The following ADAMTS2 variants were observed in gnomAD, a reference collection of about 807,000 sequenced individuals.
The protein encoded by ADAMTS2 is A disintegrin and metalloproteinase with thrombospondin motifs 2.
A neutral mutation model predicts 123.0 loss-of-function variants in ADAMTS2; 50 were observed. That is an observed-to-expected ratio of 0.41 (90% CI 0.32 to 0.51). The LOEUF is 0.51. Among genes scored for constraint, ADAMTS2 ranks in the 20% least tolerant of loss-of-function variants. The probability of loss-of-function intolerance (pLI) is 0.35; values close to 1 mark genes in which losing one functional copy is unlikely to be tolerated. For missense variants in ADAMTS2, 1,494 were observed against 1,705.2 expected, an observed-to-expected ratio of 0.88 and a Z score of 2.18; for synonymous variants, 678 against 695.4, an observed-to-expected ratio of 0.98 and a Z score of 0.39.
Position 179,152,209 on chromosome 5 carries a change from T to C in ADAMTS2, c.1562A>G (p.Asp521Gly). Residue 521 changes from aspartate (D) to glycine (G), a missense_variant, in exon 10 of 22, where the codon GAC (aspartate) becomes GGC (glycine). Asp to Gly is a moderately conservative substitution (Grantham distance 94, BLOSUM62 -1). This residue lies in a region of ADAMTS2 where 953 missense variants were observed against 1,124.7 expected (regional missense o/e 0.85). Coordinates refer to ENST00000251582, the MANE Select transcript of ADAMTS2 (RefSeq NM_014244.5). Reference protein sequence around the residue: ...PCKQLWCSHPDNPYFCKTKKG... With the variant: ...PCKQLWCSHPGNPYFCKTKKG... ...CTTGGTCTTGCAAAAGTAGGGGTTG[T>C]CAGGATGGCTGCACCACAGCTGCTT... 6.2e-7 allele frequency: 1 copy of C among 1,614,062 alleles called. No homozygotes were observed. The highest frequency in any genetic ancestry group is 8.5e-7 in the Non-Finnish European group (1 of 1,179,940).
At chr5:179,157,251 A>G (rs1581158940) in intron 6 of ADAMTS2, among the ~76,000 whole-genome samples, 1 of 152,194 alleles carries the variant, frequency 6.6e-6, no homozygotes, top group East Asian at 1.9e-4. Context: ...CACCCAGCCA[A>G]TTTCACATTT....
intron 3 of ADAMTS2, among the ~76,000 whole-genome samples, chr5:179,258,357 T>C (rs1207574118): frequency 6.6e-6 from 1 of 151,710 alleles, no homozygotes; most frequent in Non-Finnish European, 1.5e-5. Flanking sequence ...GTGCTCCTGC[T>C]GTGGTTTGGG....
At chr5:179,313,290 A>G (rs1289936) in intron 2 of ADAMTS2, among the ~76,000 whole-genome samples, 1,836 of 16,594 alleles carry the variant, frequency 0.11, 255 homozygotes, top group East Asian at 0.26. Context: ...ATTCACACTC[A>G]TGCACACACT....
chr5:179,300,347 AC>A (rs1756481639), intron 2 of ADAMTS2, among the ~76,000 whole-genome samples: 1 of 152,120 alleles, frequency 6.6e-6, no homozygotes, highest in Admixed American at 6.5e-5. Context: ...TCTCCTTAAT[AC>A]TTTTCTACAT....
At chr5:179,163,010 G>A (rs970479380) in intron 5 of ADAMTS2, among the ~76,000 whole-genome samples, 1 of 152,210 alleles carries the variant, frequency 6.6e-6, no homozygotes, top group East Asian at 1.9e-4. Flanking sequence ...CTTTGAGGAG[G>A]AGTCAAGAGT....
intron 3 of ADAMTS2, among the ~76,000 whole-genome samples, chr5:179,231,890 G>C (rs898179460): frequency 6.7e-6 from 1 of 149,776 alleles, no homozygotes; most frequent in African/African-American, 2.5e-5. Context: ...ACTCCAGCTG[G>C]GGCCACAGAG....
rs536269269 is a variant in ADAMTS2 at position 179,130,419 on chromosome 5, G to A, written c.2291-321C>T. Among the ~76,000 whole-genome samples, 4 of 152,222 alleles carry A rather than the reference G, an allele frequency of 2.6e-5. No homozygotes were observed. Among genetic ancestry groups the A allele is most frequent in the African/African-American group, 4.8e-5 (2 of 41,466 alleles). ...ACCCTATTGGGAGCACTCAGTGGGC[G>A]CTTAGAGGCCACCCGGGGCAGGATG... On this transcript the variant is annotated intron_variant, in intron 15 of 21. Transcript: ENST00000251582. This position sits in a 1 kb window ranked among gnomAD's most constrained non-coding sequence, Gnocchi z 4.3.
intron 4 of ADAMTS2, among the ~76,000 whole-genome samples, chr5:179,190,819 C>A (rs564901243): frequency 1.3e-5 from 2 of 152,262 alleles, no homozygotes; most frequent in African/African-American, 2.4e-5. Flanking sequence ...ACCTGGGCTT[C>A]GCCCTTACAC....
chr5:179,122,865 C>A, intron 19 of ADAMTS2, 92 bp from the exon 20 acceptor site: 1 of 1,528,010 alleles, frequency 6.5e-7, no homozygotes, highest in Non-Finnish European at 8.8e-7. Flanking sequence ...AGGCACATGA[C>A]CCATGCGCTC....
intron 2 of ADAMTS2, among the ~76,000 whole-genome samples, chr5:179,302,927 G>A (rs1034529164): frequency 9.9e-5 from 15 of 151,472 alleles, no homozygotes; most frequent in African/African-American, 3.6e-4. Flanking sequence ...AGCAAAGGGT[G>A]GGCGGGGGCG....
chr5:179,264,817 C>A (rs1766319704), intron 3 of ADAMTS2, among the ~76,000 whole-genome samples: 1 of 149,000 alleles, frequency 6.7e-6, no homozygotes, highest in Non-Finnish European at 1.5e-5. Flanking sequence ...GTTCTGAGAT[C>A]CTGAGGGGCT....
chr5:179,307,560 C>T lies in ADAMTS2; in HGVS notation c.535-34496G>A, dbSNP rs1756715144. Among the ~76,000 whole-genome samples the T allele has an allele frequency of 6.6e-6, 1 of 152,174 alleles. No individual in the cohort carries two copies. Among genetic ancestry groups the T allele is most frequent in the Non-Finnish European group, 1.5e-5 (1 of 68,018 alleles). On this transcript the variant is annotated intron_variant, in intron 2 of 21. Coordinates refer to ENST00000251582, the MANE Select transcript of ADAMTS2 (RefSeq NM_014244.5). The surrounding 1 kb of genome is among the most constrained non-coding windows in gnomAD (Gnocchi z 5.6). Reference sequence around the variant, plus strand: ...ATTCTCTATGCTCCTCACGGCTGCCCCACAGAATCTCTGAAACACGACTCA... The same window carrying T: ...ATTCTCTATGCTCCTCACGGCTGCCTCACAGAATCTCTGAAACACGACTCA...
intron 3 of ADAMTS2, among the ~76,000 whole-genome samples, chr5:179,214,999 T>C (rs1040401183): frequency 2.6e-5 from 4 of 152,108 alleles, no homozygotes; most frequent in Non-Finnish European, 4.4e-5. Flanking sequence ...CCAACATTCA[T>C]CCGGAAGACC....
At chr5:179,259,494 G>T (rs1187191589) in intron 3 of ADAMTS2, among the ~76,000 whole-genome samples, 1 of 152,200 alleles carries the variant, frequency 6.6e-6, no homozygotes, top group African/African-American at 2.4e-5. Flanking sequence ...GGATTCCACA[G>T]GTGCTTTATG....
In ADAMTS2 at chr5:179,343,775, C is replaced by A; in HGVS notation, c.526G>T (p.Asp176Tyr). 6.2e-7 allele frequency: 1 copy of A among 1,611,300 alleles called. No individual in the cohort carries two copies. The highest frequency in any genetic ancestry group is 8.5e-7 in the Non-Finnish European group (1 of 1,179,710). ...EASSVALSNCDGLAGLIRMEE... is the reference protein window; with the variant it reads ...EASSVALSNCYGLAGLIRMEE... The stretch of plus-strand genomic sequence containing the variant: ...GAGAAGTGCGTACTCACCAGCCCAT[C>A]GCAGTTGCTGAGCGCCACAGAGGAG... Residue 176 changes from aspartate (D) to tyrosine (Y), a missense_variant, in exon 2 of 22, where the codon GAT becomes TAT. Transcript: ENST00000251582.
At chr5:179,123,500 A>G (rs1581137748) in intron 19 of ADAMTS2, among the ~76,000 whole-genome samples, 3 of 152,318 alleles carry the variant, frequency 2.0e-5, no homozygotes, top group South Asian at 4.1e-4. Flanking sequence ...ATATCAGCAC[A>G]CTGCAACCTC....
At position 179,155,109 on chromosome 5, in the gene ADAMTS2, CA is replaced by C. The variant is rs1763443329; in HGVS notation, c.1133-191del. 6.6e-6 allele frequency among the ~76,000 whole-genome samples: 1 copy of C among 152,242 alleles called. No homozygotes were observed. Among genetic ancestry groups the C allele is most frequent in the African/African-American group, 2.4e-5 (1 of 41,468 alleles). On this transcript the variant is annotated intron_variant, in intron 6 of 21. Transcript: ENST00000251582. This position sits in a 1 kb window ranked among gnomAD's most constrained non-coding sequence, Gnocchi z 5.1. ...CTCATAGCCTGTGACATCTGGCTGA[CA>C]GCAGGCCCCCAGCCCGTCACCACAC...
chr5:179,113,377 C>T lies in ADAMTS2; in HGVS notation c.*490G>A, dbSNP rs903911616. On this transcript the variant is annotated 3_prime_UTR_variant, in exon 22 of 22. Coordinates refer to ENST00000251582, the MANE Select transcript of ADAMTS2 (RefSeq NM_014244.5). ...CGGTCAGCCGCCTGGCCCTGGAAGA[C>T]GATTTGAGTTCATCACCTCCACTTC... The T allele has an allele frequency of 2.2e-5, 4 of 183,172 alleles. No homozygotes were observed. Among genetic ancestry groups the T allele is most frequent in the Non-Finnish European group, 4.7e-5 (4 of 85,586 alleles). The allele number at this position is 183,172 out of a possible 1,614,324, so 11.3% of individuals were successfully genotyped here. A position where few individuals can be genotyped will look rare whatever the true frequency, so the allele number is the denominator to read the frequency against.
intron 3 of ADAMTS2, among the ~76,000 whole-genome samples, chr5:179,239,327 A>AAG (rs1765607138): frequency 1.3e-5 from 2 of 152,270 alleles, no homozygotes. Flanking sequence ...GTGTGAGAGG[A>AAG]AGAGAGGGGT....
Sources: gnomAD v4.1 joint callset for allele counts (sites outside exome capture counted in the v4.1 genomes callset) on GRCh38, gnomAD v4.1.1 for gene constraint, gnomAD v4.1.1 regional missense constraint, Gnocchi (gnomAD v3.1) non-coding constraint, MANE v1.5 for transcripts, NCBI Gene and HGNC (gene_info 2026-07-23, HGNC 2026-07-21) for gene names.